The following BORA variants were observed in gnomAD, a reference collection of about 807,000 sequenced individuals.
BORA encodes the protein BORA aurora kinase A activator, also known as protein aurora borealis.
In BORA, 26 loss-of-function variants were observed where a neutral mutation model predicts 55.8. The observed-to-expected ratio is 0.47, with a 90% CI of 0.34 to 0.65. The LOEUF is 0.65. BORA is among the 30% of genes least tolerant of loss of function. The probability of loss-of-function intolerance (pLI) is 0.01; values close to 1 mark genes in which losing one functional copy is unlikely to be tolerated. For missense variants in BORA, 568 were observed against 671.5 expected, an observed-to-expected ratio of 0.85 and a Z score of 1.70; for synonymous variants, 201 against 216.9, an observed-to-expected ratio of 0.93 and a Z score of 0.64.
At chr13:72,729,400 A>T (rs190822674) in intron 2 of BORA, among the ~76,000 whole-genome samples, 8 of 152,302 alleles carry the variant, frequency 5.3e-5, no homozygotes, top group Non-Finnish European at 4.4e-5. Context: ...TGCATCATCT[A>T]ATATTCTGTT....
chr13:72,734,052 G>A lies in BORA; in HGVS notation c.261-908G>A, dbSNP rs114170697. ...GGGGAACAGCACACACTGGGGCCTG[G>A]TGGAGGGTGAGAGGAGGGAGATCAG... is the stretch of plus-strand genomic sequence containing the variant. On this transcript the variant is annotated intron_variant, in intron 3 of 11. Coordinates refer to ENST00000390667, the MANE Select transcript of BORA (RefSeq NM_024808.5). Among the ~76,000 whole-genome samples, 228 of 152,264 alleles carry A rather than the reference G, an allele frequency of 1.5e-3. 1 individual carries two copies. Among genetic ancestry groups the A allele is most frequent in the African/African-American group, 5.3e-3 (221 of 41,548 alleles).
intron 3 of BORA, among the ~76,000 whole-genome samples, chr13:72,732,968 G>A (rs1289060967): frequency 3.3e-5 from 5 of 152,188 alleles, no homozygotes; most frequent in Non-Finnish European, 5.9e-5. Context: ...TTGTAACACA[G>A]TGCTTCTGTT....
At chr13:72,741,907 G>A (rs2033040530) in intron 5 of BORA, among the ~76,000 whole-genome samples, 1 of 152,102 alleles carries the variant, frequency 6.6e-6, no homozygotes. Context: ...TTTGTTTTAG[G>A]TACTCAAATA....
chr13:72,753,488 T>C (rs2033337285), intron 10 of BORA: 3 of 438,662 alleles, frequency 6.8e-6, no homozygotes, highest in South Asian at 4.9e-5. Flanking sequence ...TTGGAAGGAA[T>C]TGTAAAATGA....
chr13:72,749,037 A>G (rs752154313), intron 10 of BORA, among the ~76,000 whole-genome samples: 22 of 152,150 alleles, frequency 1.4e-4, no homozygotes, highest in Non-Finnish European at 2.8e-4. Flanking sequence ...TAACATCATA[A>G]TGTCTACTAA....
At chr13:72,730,645 A>T (rs1404409745) in intron 2 of BORA, among the ~76,000 whole-genome samples, 1 of 152,160 alleles carries the variant, frequency 6.6e-6, no homozygotes, top group East Asian at 1.9e-4. Flanking sequence ...TTACTTTTAC[A>T]TGGGCTTAGT....
chr13:72,749,567 T>C (rs1275824197), intron 10 of BORA, among the ~76,000 whole-genome samples: 1 of 152,122 alleles, frequency 6.6e-6, no homozygotes, highest in Admixed American at 6.5e-5. Context: ...GTTTATATAA[T>C]AACCTTTCTA....
chr13:72,746,688 T>G lies in BORA; in HGVS notation c.1059T>G (p.Phe353Leu). The G allele has an allele frequency of 1.2e-6, 2 of 1,614,144 alleles. No individual in the cohort carries two copies. Residue 353 changes from phenylalanine to leucine, a missense_variant, in exon 10 of 12, where the codon TTT (phenylalanine) becomes TTG (leucine). Physicochemically the swap from Phe to Leu is conservative, Grantham distance 22. Coordinates refer to ENST00000390667, the MANE Select transcript of BORA (RefSeq NM_024808.5). ...QYRTSVIQIP[F>L]TLETQGEDEE... ...GGACCTCAGTGATTCAGATACCTTT[T>G]ACTCTTGAGACTCAAGGTGAAGATG... is the stretch of plus-strand genomic sequence containing the variant.
intron 8 of BORA, among the ~76,000 whole-genome samples, 194 bp from the exon 9 acceptor site, chr13:72,745,750 T>C (rs1161445691): frequency 6.6e-6 from 1 of 152,238 alleles, no homozygotes; most frequent in Non-Finnish European, 1.5e-5. Context: ...ATATTTTGAC[T>C]AACATATTTG....
chr13:72,736,046 C>T (rs1382698797), intron 4 of BORA, among the ~76,000 whole-genome samples: 3 of 152,056 alleles, frequency 2.0e-5, no homozygotes, highest in Non-Finnish European at 2.9e-5. Context: ...TTGGCTCTTC[C>T]GTACCACAAA....
intron 10 of BORA, chr13:72,753,405 C>T (rs889560723): frequency 1.3e-5 from 3 of 236,970 alleles, no homozygotes; most frequent in African/African-American, 6.8e-5. Flanking sequence ...TAGGTACGAT[C>T]ACAAAATAAC....
chr13:72,753,706 A>G lies in BORA; in HGVS notation c.1499A>G (p.Asn500Ser). ...SSNIQMDSGYNTQNCGSNIMD... is the reference protein window; with the variant it reads ...SSNIQMDSGYSTQNCGSNIMD... ...TCCTGTCAGATGGATAGTGGCTATAATACGCAGAATTGTGGAAGCAATATT... is the reference window on the plus strand; with the variant it reads ...TCCTGTCAGATGGATAGTGGCTATAGTACGCAGAATTGTGGAAGCAATATT... Residue 500 changes from asparagine (N) to serine (S), a missense_variant, in exon 11 of 12, where the codon AAT (asparagine) becomes AGT (serine). Asn to Ser is a conservative substitution (Grantham distance 46). Transcript: ENST00000390667. 3 of 1,612,576 alleles carry G rather than the reference A, an allele frequency of 1.9e-6. No individual in the cohort carries two copies. Among genetic ancestry groups the G allele is most frequent in the Non-Finnish European group, 2.5e-6 (3 of 1,179,454 alleles).
rs200897821 is a variant in BORA at position 72,749,641 on chromosome 13, TGGCTGGCAA to T, written c.1482+2537_1482+2545del. 7.8e-3 allele frequency among the ~76,000 whole-genome samples: 1,186 copies of T among 152,304 alleles called. 58 individuals carry two copies. Among genetic ancestry groups the T allele is most frequent in the Non-Finnish European group, 1.9e-3 (132 of 68,026 alleles). ...GTACTAATTTTAAAAGTCTGCAATGTGGCTGGCAAGGCTGGTCTTTCTACTCTCCAGCTT... is the reference window on the plus strand; with the variant it reads ...GTACTAATTTTAAAAGTCTGCAATGTGGCTGGTCTTTCTACTCTCCAGCTT... On this transcript the variant is annotated intron_variant, in intron 10 of 11. Coordinates refer to ENST00000390667, the MANE Select transcript of BORA (RefSeq NM_024808.5).
intron 9 of BORA, 100 bp downstream of exon 9, chr13:72,746,176 G>C: frequency 9.0e-7 from 1 of 1,112,138 alleles, no homozygotes. Context: ...AGCTCAAAAT[G>C]ATCACTAACC....
At chr13:72,746,194 AT>A in intron 9 of BORA, 118 bp downstream of exon 9, 1 of 1,003,730 alleles carries the variant, frequency 1.0e-6, no homozygotes, top group Non-Finnish European at 1.4e-6. Flanking sequence ...ACCTTCTAAC[AT>A]TTAGGAACTT....
chr13:72,752,219 T>G (rs991358956), intron 10 of BORA: 1 of 152,214 alleles, frequency 6.6e-6, no homozygotes, highest in Non-Finnish European at 1.5e-5. Flanking sequence ...AAGGCAAGAT[T>G]TACATAGCAG....
chr13:72,742,237 G>C (rs1593812528), intron 5 of BORA, among the ~76,000 whole-genome samples: 1 of 71,466 alleles, frequency 1.4e-5, no homozygotes, highest in South Asian at 4.7e-4. Flanking sequence ...GAATTCCTGA[G>C]TTGTTTCTGG....
Position 72,727,983 on chromosome 13 carries a change from T to A in BORA, c.-40T>A. On this transcript the variant is annotated 5_prime_UTR_variant, in exon 1 of 12. Transcript: ENST00000390667. ...CCCCGGAGCTCCCTGGAGTCGGTACTGGGGGCTTCGTTTTGTACGCACCGG... is the reference window on the plus strand; with the variant it reads ...CCCCGGAGCTCCCTGGAGTCGGTACAGGGGGCTTCGTTTTGTACGCACCGG... The A allele has an allele frequency of 1.9e-6, 3 of 1,548,908 alleles. No individual in the cohort carries two copies. The highest frequency in any genetic ancestry group is 2.6e-6 in the Non-Finnish European group (3 of 1,146,602).
intron 10 of BORA, among the ~76,000 whole-genome samples, chr13:72,748,554 G>A (rs1193070312): frequency 6.6e-6 from 1 of 152,078 alleles, no homozygotes; most frequent in African/African-American, 2.4e-5. Context: ...TTATGCTTCT[G>A]TTGCCTATCC....
Sources: gnomAD v4.1 joint callset for allele counts (sites outside exome capture counted in the v4.1 genomes callset) on GRCh38, gnomAD v4.1.1 for gene constraint, MANE v1.5 for transcripts, NCBI Gene and HGNC (gene_info 2026-07-23, HGNC 2026-07-21) for gene names.